Variants in SCYL1 observed in about 807,000 individuals in gnomAD.
SCYL1 encodes the protein N-terminal kinase-like protein.
Under a neutral mutation model 94.8 loss-of-function variants are expected in SCYL1, and 85 were observed. The ratio of observed to expected loss-of-function variants is 0.90; its 90% CI spans 0.75 to 1.07. The LOEUF is 1.07. Among genes scored for constraint, SCYL1 ranks in the 50% least tolerant of loss-of-function variants. The pLI, the probability that SCYL1 is intolerant of heterozygous loss-of-function variation, is 0.00. For synonymous variants in SCYL1, 459 were observed against 435.5 expected (o/e 1.05, Z -0.67); for missense variants, 968 against 1,083.3 (o/e 0.89, Z 1.49).
At chr11:65,525,860 C>T in intron 2 of SCYL1, 61 bp from the exon 3 acceptor site, 1 of 1,588,708 alleles carries the variant, frequency 6.3e-7, no homozygotes, top group Non-Finnish European at 8.6e-7. Flanking sequence ...AACTTCAAGT[C>T]GCTTATCTCT....
intron 17 of SCYL1, 24 bp from the exon 18 acceptor site, chr11:65,538,418 C>T (rs1258798817): frequency 5.2e-6 from 8 of 1,542,992 alleles, no homozygotes; most frequent in Admixed American, 2.0e-5. Context: ...GAGCTGAGAC[C>T]GGGGCTCCCC....
rs755487200 is a variant in SCYL1, at chr11:65,526,069, G to T, written c.375+26G>T. 19 of 1,611,598 alleles carry T rather than the reference G, an allele frequency of 1.2e-5. No individual in the cohort carries two copies. The highest frequency in any genetic ancestry group is 1.6e-5 in the Non-Finnish European group (19 of 1,178,870). ...GTGAGGTGGGGGGCAGTGGTGATGA[G>T]AGCAGGGATGGGGGGTTGCAGGTGC... On this transcript the variant is annotated intron_variant, in intron 3 of 17. Coordinates refer to ENST00000270176, the MANE Select transcript of SCYL1 (RefSeq NM_020680.4). This position sits in a 1 kb window ranked among gnomAD's most constrained non-coding sequence, Gnocchi z 4.1.
chr11:65,537,001 C>A lies in SCYL1; in HGVS notation c.1832C>A (p.Ala611Asp). ...TGCTCCCCAGGAGTTCCTGCCCCAG[C>A]CCCCACCCCTGTTCCTGCCACCCCT... Reference protein sequence around the residue: ...RPTPEGVPAPAPTPVPATPTT... With the variant: ...RPTPEGVPAPDPTPVPATPTT... Residue 611 changes from alanine (A) to aspartate (D), a missense_variant, in exon 14 of 18, where the codon GCC becomes GAC. Ala to Asp is a moderately radical substitution (Grantham distance 126). Around this residue, in one of 2 missense-constraint regions of SCYL1, gnomAD observed 474 missense variants for 463.6 expected, o/e 1.02. Transcript: ENST00000270176. 1 of 1,611,650 alleles carries A rather than the reference C, an allele frequency of 6.2e-7. No homozygotes were observed. The highest frequency in any genetic ancestry group is 8.5e-7 in the Non-Finnish European group (1 of 1,178,174).
intron 9 of SCYL1, 166 bp downstream of exon 9, chr11:65,532,971 G>A (rs1373264912): frequency 3.3e-6 from 2 of 601,448 alleles, no homozygotes; most frequent in East Asian, 2.9e-5. Context: ...GGGGGAGCAC[G>A]TCCTCCATTC....
At chr11:65,527,727 G>A (rs1228212086) in intron 6 of SCYL1, among the ~76,000 whole-genome samples, 4 of 106,126 alleles carry the variant, frequency 3.8e-5, no homozygotes, top group Admixed American at 1.1e-4. Flanking sequence ...GTGAGACTTC[G>A]TCTCAAAAAA....
chr11:65,530,454 C>T (rs1022639205), intron 6 of SCYL1, among the ~76,000 whole-genome samples, 175 bp from the exon 7 acceptor site: 2 of 152,182 alleles, frequency 1.3e-5, no homozygotes, highest in South Asian at 2.1e-4. Flanking sequence ...GATGGTAGAG[C>T]TGTTATCCCA....
At chr11:65,533,490 G>A (rs1855488326) in intron 9 of SCYL1, among the ~76,000 whole-genome samples, 1 of 152,194 alleles carries the variant, frequency 6.6e-6, no homozygotes, top group Admixed American at 6.5e-5. Flanking sequence ...TAAAAACAGT[G>A]GTCAGGGGCT....
At chr11:65,532,837 C>G (rs1855454944) in intron 9 of SCYL1, 32 bp downstream of exon 9, 2 of 1,563,774 alleles carry the variant, frequency 1.3e-6, no homozygotes, top group African/African-American at 1.4e-5. Context: ...GTGGCTACCC[C>G]TGGTTTTCCA....
intron 13 of SCYL1, 80 bp downstream of exon 13, chr11:65,536,830 C>A: frequency 6.8e-7 from 1 of 1,473,560 alleles, no homozygotes; most frequent in South Asian, 1.3e-5. Flanking sequence ...CTGTCTGACT[C>A]CCCCGGGGAT....
chr11:65,536,628 C>G lies in SCYL1; in HGVS notation c.1694C>G (p.Ala565Gly). ...HAASSPGMGG[A>G]AASWAGWAVT... ...GCCTCCAGCCCTGGCATGGGAGGAG[C>G]CGCAGCTAGCTGGGCAGGCTGGGCC... Residue 565 changes from alanine to glycine, a missense_variant, in exon 13 of 18, where the codon GCC becomes GGC. Transcript: ENST00000270176. 6.2e-7 allele frequency: 1 copy of G among 1,614,102 alleles called. No individual in the cohort carries two copies. Among genetic ancestry groups the G allele is most frequent in the Non-Finnish European group, 8.5e-7 (1 of 1,179,968 alleles).
At position 65,526,363 on chromosome 11, in the gene SCYL1, G is replaced by A. The variant is rs761826904; in HGVS notation, c.602+13G>A. The A allele has an allele frequency of 8.9e-6, 14 of 1,577,066 alleles. No individual in the cohort carries two copies. In the East Asian group the frequency reaches 1.6e-4, roughly 18 times the overall value. On this transcript the variant is annotated intron_variant, in intron 4 of 17. Transcript: ENST00000270176. This position sits in a 1 kb window ranked among gnomAD's most constrained non-coding sequence, Gnocchi z 4.1. ...TCAGAGAGAAGTGGTGGGTGACTGG[G>A]GGCAGCGCGCCCCAACCTGCCCTGT...
Position 65,537,486 on chromosome 11 carries a change from C to T in SCYL1, c.1960-323C>T, listed in dbSNP as rs1342492031. Among the ~76,000 whole-genome samples, 6 of 151,842 alleles carry T rather than the reference C, an allele frequency of 4.0e-5. No homozygotes were observed. In the South Asian group the frequency reaches 1.0e-3, roughly 26 times the overall value. ...AGACCAGTTCTGCTTGGGGGATGGG[C>T]TCAGGTTGGGCTGAGGGAGGACTGG... On this transcript the variant is annotated intron_variant, in intron 14 of 17. Transcript: ENST00000270176.
Position 65,525,727 on chromosome 11 carries a change from T to A in SCYL1, c.252+13T>A. On this transcript the variant is annotated intron_variant, in intron 2 of 17. Transcript: ENST00000270176. ...CGATGGACTGGAGGTACCTGCTGCCTTGCCTGCCCGTCTCTGCCCCTCACG... is the reference window on the plus strand; with the variant it reads ...CGATGGACTGGAGGTACCTGCTGCCATGCCTGCCCGTCTCTGCCCCTCACG... The A allele has an allele frequency of 6.2e-7, 1 of 1,612,090 alleles. No individual in the cohort carries two copies. The highest frequency in any genetic ancestry group is 1.1e-5 in the South Asian group (1 of 91,010).
intron 9 of SCYL1, 142 bp from the exon 10 acceptor site, chr11:65,535,084 TG>T: frequency 2.0e-6 from 2 of 1,017,552 alleles, no homozygotes; most frequent in African/African-American, 1.6e-5. Flanking sequence ...TTCAACATGC[TG>T]GACAGGGCCA....
intron 10 of SCYL1, chr11:65,535,601 T>C (rs1328100686): frequency 1.6e-6 from 1 of 644,962 alleles, no homozygotes; most frequent in African/African-American, 1.8e-5. Context: ...CTTGGCCCCA[T>C]GGCCTGTGTG....
rs1427743010 is a variant in SCYL1, at chr11:65,537,020, C to T, written c.1851C>T (p.Ala617=). 3.1e-6 allele frequency: 5 copies of T among 1,613,230 alleles called. No individual in the cohort carries two copies. The African/African-American group carries it at 5.3e-5, about 17-fold the overall frequency. ...VPAPAPTPVP[A]TPTTSGHWET... Reference sequence around the variant, plus strand: ...CCCCAGCCCCCACCCCTGTTCCTGCCACCCCTACAACCTCAGGCCACTGGG... The same window carrying T: ...CCCCAGCCCCCACCCCTGTTCCTGCTACCCCTACAACCTCAGGCCACTGGG... The change falls in exon 14 of 18, where the codon GCC becomes GCT. Residue 617 remains alanine (A), a synonymous_variant. Transcript: ENST00000270176.
chr11:65,526,963 T>C lies in SCYL1; in HGVS notation c.695T>C (p.Ile232Thr), dbSNP rs201043872. ...CTGACACTGACCCCTCCCCTACAGA[T>C]CCCCAAAACGCTGGTGCCCCATTAC... ...RAAALRNPGK[I>T]PKTLVPHYCE... The change falls in exon 6 of 18, where the codon ATC (isoleucine) becomes ACC (threonine). Residue 232 changes from isoleucine (I) to threonine (T), a missense_variant and splice_region_variant. By Grantham distance (89) the Ile-to-Thr change is moderately conservative. Transcript: ENST00000270176. The surrounding 1 kb of genome is among the most constrained non-coding windows in gnomAD (Gnocchi z 4.1). The C allele has an allele frequency of 1.2e-4, 195 of 1,610,220 alleles. 1 individual carries two copies. In the African/African-American group the frequency reaches 2.4e-3, roughly 19 times the overall value.
chr11:65,525,107 G>C lies in SCYL1; in HGVS notation c.-47G>C. The C allele has an allele frequency of 1.6e-6, 2 of 1,242,772 alleles. No homozygotes were observed. Among genetic ancestry groups the C allele is most frequent in the Non-Finnish European group, 2.1e-6 (2 of 971,982 alleles). 77.0% of individuals were successfully genotyped at this position (1,242,772 alleles called of 1,614,324 possible). A position where few individuals can be genotyped will look rare whatever the true frequency, so the allele number is the denominator to read the frequency against. Reference sequence around the variant, plus strand: ...CGCCCCGCCCCGGCTCGGGCGGCCGGAGGACCCGGAGCTAAGGCGCCCGAA... The same window carrying C: ...CGCCCCGCCCCGGCTCGGGCGGCCGCAGGACCCGGAGCTAAGGCGCCCGAA... On this transcript the variant is annotated 5_prime_UTR_variant, in exon 1 of 18. Transcript: ENST00000270176.
Position 65,538,286 on chromosome 11 carries a change from G to A in SCYL1, c.2264G>A (p.Trp755Ter), listed in dbSNP as rs56077405. ...RPSTQPRPDSWGEDNWEGLET... is the reference protein window; with the variant it reads ...RPSTQPRPDS ...TCTTTACAGCCGAGGCCAGACTCTTGGGGTGAGGACAACTGGGAGGGCCTC... is the reference window on the plus strand; with the variant it reads ...TCTTTACAGCCGAGGCCAGACTCTTAGGGTGAGGACAACTGGGAGGGCCTC... Residue 755 changes from tryptophan to a stop codon, truncating the protein, a stop_gained, in exon 17 of 18, where the codon TGG becomes TAG. Transcript: ENST00000270176. LOFTEE classifies it high-confidence loss of function. 1.9e-6 allele frequency: 3 copies of A among 1,552,892 alleles called. No homozygotes were observed. Among genetic ancestry groups the A allele is most frequent in the Non-Finnish European group, 2.6e-6 (3 of 1,147,936 alleles).
Sources: gnomAD v4.1 joint callset for allele counts (sites outside exome capture counted in the v4.1 genomes callset) on GRCh38, gnomAD v4.1.1 for gene constraint, gnomAD v4.1.1 regional missense constraint, Gnocchi (gnomAD v3.1) non-coding constraint, MANE v1.5 for transcripts, NCBI Gene and HGNC (gene_info 2026-07-23, HGNC 2026-07-21) for gene names.